ARHGAP15: variants seen among roughly 807,000 people sequenced by gnomAD.
ARHGAP15 encodes Rho GTPase activating protein 15, also known as rho GTPase-activating protein 15.
Under a neutral mutation model 63.7 loss-of-function variants are expected in ARHGAP15, and 51 were observed. The ratio of observed to expected loss-of-function variants is 0.80; its 90% CI spans 0.64 to 1.01. The LOEUF is 1.01. Among genes scored for constraint, ARHGAP15 ranks in the 50% least tolerant of loss-of-function variants. The pLI, the probability that ARHGAP15 is intolerant of heterozygous loss-of-function variation, is 0.00. For missense variants in ARHGAP15, 560 were observed against 564.6 expected, an observed-to-expected ratio of 0.99 and a Z score of 0.08; for synonymous variants, 191 against 193.8, an observed-to-expected ratio of 0.99 and a Z score of 0.12.
At chr2:143,548,991 G>C (rs1559044581) in intron 10 of ARHGAP15, among the ~76,000 whole-genome samples, 1 of 152,046 alleles carries the variant, frequency 6.6e-6, no homozygotes, top group Non-Finnish European at 1.5e-5. Flanking sequence ...ACACAGAAAA[G>C]GACAAGAGTA....
At chr2:143,570,969 A>G (rs1406114624) in intron 11 of ARHGAP15, among the ~76,000 whole-genome samples, 1 of 152,146 alleles carries the variant, frequency 6.6e-6, no homozygotes, top group East Asian at 1.9e-4. Context: ...GCAGCACAGT[A>G]GGAGGTGAGT....
intron 13 of ARHGAP15, among the ~76,000 whole-genome samples, chr2:143,764,611 C>G (rs904018446): frequency 6.6e-6 from 1 of 152,092 alleles, no homozygotes; most frequent in African/African-American, 2.4e-5. Context: ...CTCCACCCAC[C>G]CAAGCTCCTC....
chr2:143,317,189 T>TA (rs762044904), intron 6 of ARHGAP15, among the ~76,000 whole-genome samples: 6,841 of 151,516 alleles, frequency 0.045, no homozygotes, highest in Non-Finnish European at 0.066. Context: ...AGACACTTTG[T>TA]CTTTCTTGTC....
At chr2:143,391,256 G>A (rs1687527320) in intron 6 of ARHGAP15, among the ~76,000 whole-genome samples, 1 of 152,102 alleles carries the variant, frequency 6.6e-6, no homozygotes. Context: ...TAATCACCTG[G>A]CTGAGGAAAG....
At chr2:143,675,802 A>G (rs1296259773) in intron 12 of ARHGAP15, among the ~76,000 whole-genome samples, 1 of 152,222 alleles carries the variant, frequency 6.6e-6, no homozygotes, top group Non-Finnish European at 1.5e-5. Context: ...TGGAATGGTA[A>G]ATGAGCACTG....
chr2:143,652,658 C>T lies in ARHGAP15; in HGVS notation c.1138+28391C>T, dbSNP rs577867389. Among the ~76,000 whole-genome samples, 23 of 152,066 alleles carry T rather than the reference C, an allele frequency of 1.5e-4. 1 individual carries two copies. Among genetic ancestry groups the T allele is most frequent in the African/African-American group, 5.3e-4 (22 of 41,528 alleles). Reference sequence around the variant, plus strand: ...ACATACCTTTGGTCATATTTATCCCCGAGTATTTCATATTCTTAATTCTAT... The same window carrying T: ...ACATACCTTTGGTCATATTTATCCCTGAGTATTTCATATTCTTAATTCTAT... On this transcript the variant is annotated intron_variant, in intron 12 of 13. Transcript: ENST00000295095.
chr2:143,713,482 A>T (rs1684674391), intron 13 of ARHGAP15, among the ~76,000 whole-genome samples: 1 of 151,952 alleles, frequency 6.6e-6, no homozygotes, highest in African/African-American at 2.4e-5. Context: ...GACCCTCCAA[A>T]TCTCATGTCC....
chr2:143,216,648 C>T (rs559343783), intron 4 of ARHGAP15, among the ~76,000 whole-genome samples: 5 of 152,280 alleles, frequency 3.3e-5, no homozygotes, highest in African/African-American at 1.2e-4. Flanking sequence ...TCGAACAGAA[C>T]ACATAAATGA....
At chr2:143,738,324 C>T (rs1685834221) in intron 13 of ARHGAP15, among the ~76,000 whole-genome samples, 1 of 152,118 alleles carries the variant, frequency 6.6e-6, no homozygotes, top group East Asian at 1.9e-4. Context: ...AGGAATATGC[C>T]TTTCACTAGT....
intron 6 of ARHGAP15, among the ~76,000 whole-genome samples, chr2:143,354,343 G>A (rs1685713934): frequency 6.6e-6 from 1 of 152,162 alleles, no homozygotes; most frequent in African/African-American, 2.4e-5. Flanking sequence ...GAAGCACATT[G>A]CTTGGTAGGA....
intron 8 of ARHGAP15, among the ~76,000 whole-genome samples, chr2:143,459,341 G>A (rs761724441): frequency 6.6e-6 from 1 of 151,738 alleles, no homozygotes; most frequent in Non-Finnish European, 1.5e-5. Context: ...AATGGGGGGT[G>A]GGGGGAAGGA....
intron 6 of ARHGAP15, among the ~76,000 whole-genome samples, chr2:143,422,771 A>G (rs1369656549): frequency 3.3e-5 from 5 of 152,170 alleles, no homozygotes; most frequent in African/African-American, 1.2e-4. Context: ...GATGCTCTGC[A>G]GAGCCCCAGT....
chr2:143,650,155 C>A (rs889955725), intron 12 of ARHGAP15, among the ~76,000 whole-genome samples: 1 of 151,622 alleles, frequency 6.6e-6, no homozygotes, highest in African/African-American at 2.4e-5. Flanking sequence ...TCCTGATGGG[C>A]TGAGAGATAG....
At chr2:143,393,059 T>C (rs1212759589) in intron 6 of ARHGAP15, among the ~76,000 whole-genome samples, 1 of 152,168 alleles carries the variant, frequency 6.6e-6, no homozygotes, top group African/African-American at 2.4e-5. Flanking sequence ...ATACATTGTT[T>C]ACAAAGAGAT....
chr2:143,313,539 C>T (rs976902488), intron 6 of ARHGAP15, among the ~76,000 whole-genome samples: 3 of 152,080 alleles, frequency 2.0e-5, no homozygotes, highest in Admixed American at 2.0e-4. Context: ...CCCATAAAAA[C>T]CATGCTACGG....
intron 6 of ARHGAP15, among the ~76,000 whole-genome samples, chr2:143,389,973 T>C (rs1250952707): frequency 2.0e-5 from 3 of 150,586 alleles, no homozygotes; most frequent in African/African-American, 4.9e-5. Context: ...AATTTTCATT[T>C]AAAAACAGGG....
In ARHGAP15 at chr2:143,396,615, GTT is replaced by G. The variant is rs34811392; in HGVS notation, c.475-38972_475-38971del. Among the ~76,000 whole-genome samples, 967 of 147,258 alleles carry G rather than the reference GTT, an allele frequency of 6.6e-3. 13 individuals are homozygous for G. The highest frequency in any genetic ancestry group is 0.017 in the African/African-American group (702 of 40,250). On this transcript the variant is annotated intron_variant, in intron 6 of 13. Coordinates refer to ENST00000295095, the MANE Select transcript of ARHGAP15 (RefSeq NM_018460.4). ...ATATTCCAAAGAAAAAGGGATTTAA[GTT>G]TTTTTTTTTTTTTAATCTAAACGGG...
intron 9 of ARHGAP15, among the ~76,000 whole-genome samples, chr2:143,509,418 T>G (rs1693479114): frequency 6.6e-6 from 1 of 151,986 alleles, no homozygotes; most frequent in Admixed American, 6.5e-5. Context: ...TCGGCCCAAT[T>G]TTTGATATCT....
chr2:143,311,156 CAATA>C (rs763840623), intron 6 of ARHGAP15, among the ~76,000 whole-genome samples: 2 of 151,936 alleles, frequency 1.3e-5, no homozygotes, highest in Non-Finnish European at 2.9e-5. Flanking sequence ...ATGTTGGAAA[CAATA>C]AAAGTTGCCC....
Sources: allele counts gnomAD v4.1 joint callset (sites outside exome capture counted in the v4.1 genomes callset), GRCh38; gene constraint gnomAD v4.1.1; transcripts MANE v1.5; gene names NCBI Gene and HGNC (gene_info 2026-07-23, HGNC 2026-07-21).